The following PHACTR4 variants were observed in gnomAD, a reference collection of about 807,000 sequenced individuals.
PHACTR4 encodes protein phosphatase 1, regulatory subunit 124.
Under a neutral mutation model 72.7 loss-of-function variants are expected in PHACTR4, and 51 were observed. The observed-to-expected ratio is 0.70, with a 90% CI of 0.56 to 0.89. PHACTR4 has a LOEUF of 0.89. PHACTR4 is among the 40% of genes least tolerant of loss of function. The pLI is 0.00. For missense variants in PHACTR4, 731 were observed against 861.8 expected (o/e 0.85, Z 1.90); for synonymous variants, 255 against 302.5 (o/e 0.84, Z 1.63).
rs1475241591 is a variant in PHACTR4, at chr1:28,449,851, A to G, written c.17-9234A>G. ...AGGGTGACAGAGTGACACTCTGTAT[A>G]AAAAAAAAAAAAATCACCCCTGAAA... On this transcript the variant is annotated intron_variant, in intron 2 of 13. Coordinates refer to ENST00000373839, the MANE Select transcript of PHACTR4 (RefSeq NM_001048183.3). Among the ~76,000 whole-genome samples, 3 of 117,862 alleles carry G rather than the reference A, an allele frequency of 2.5e-5. No homozygotes were observed. The East Asian group carries it at 6.1e-4, about 24-fold the overall frequency. 77.3% of individuals were successfully genotyped at this position (117,862 alleles called of 152,430 possible). A position where few individuals can be genotyped will look rare whatever the true frequency, so the allele number is the denominator to read the frequency against.
chr1:28,378,090 G>A (rs146831831), intron 1 of PHACTR4, among the ~76,000 whole-genome samples: 1,573 of 150,344 alleles, frequency 0.01, 24 homozygotes, highest in African/African-American at 0.037. Flanking sequence ...CCAGCTACTC[G>A]GGAGGCTGAG....
At chr1:28,440,456 C>G (rs1180323416) in intron 2 of PHACTR4, among the ~76,000 whole-genome samples, 1 of 108,112 alleles carries the variant, frequency 9.2e-6, no homozygotes. Context: ...AGTGCAGTGG[C>G]TTGATCTCGG....
In PHACTR4 at chr1:28,492,996, T is replaced by C. The variant is rs1302063300; in HGVS notation, c.2017-19T>C. ...AAGCAGCCAGAAGAAGCTGAAACAT[T>C]TTTGTCTCTACTCCACAGGCTGCCA... On this transcript the variant is annotated intron_variant, in intron 12 of 13. Transcript: ENST00000373839. 6.3e-7 allele frequency: 1 copy of C among 1,594,088 alleles called. No individual in the cohort carries two copies. The highest frequency in any genetic ancestry group is 1.7e-5 in the Admixed American group (1 of 59,756).
intron 1 of PHACTR4, among the ~76,000 whole-genome samples, chr1:28,373,262 TATTTATTC>T (rs1651380995): frequency 6.6e-6 from 1 of 151,810 alleles, no homozygotes; most frequent in African/African-American, 2.4e-5. Context: ...TCTAGCTATA[TATTTATTC>T]ATTTATTTTG....
chr1:28,450,239 T>C (rs1293432505), intron 2 of PHACTR4, among the ~76,000 whole-genome samples: 2 of 151,774 alleles, frequency 1.3e-5, no homozygotes, highest in African/African-American at 4.8e-5. Flanking sequence ...ATTGTAAAAC[T>C]ATACCCAGCA....
chr1:28,465,715 C>T lies in PHACTR4; in HGVS notation c.302C>T (p.Ala101Val). Residue 101 changes from alanine (A) to valine (V), a missense_variant, in exon 5 of 14, where the codon GCC becomes GTC. Ala to Val is a moderately conservative substitution (Grantham distance 64, BLOSUM62 0). Transcript: ENST00000373839. ...GGEDPGKPSD[A>V]MLKNGHTTPI... ...GAGGATCCAGGAAAGCCAAGCGATG[C>T]CATGTTAAAGAATGGCCATACCACC... 1 of 1,613,758 alleles carries T rather than the reference C, an allele frequency of 6.2e-7. No homozygotes were observed.
chr1:28,460,367 A>AT, intron 4 of PHACTR4, 75 bp downstream of exon 4: 1 of 1,088,202 alleles, frequency 9.2e-7, no homozygotes, highest in South Asian at 1.6e-5. Context: ...AGATATTTGA[A>AT]TTTTCTTTCT....
At chr1:28,454,425 C>T (rs1029853342) in intron 2 of PHACTR4, among the ~76,000 whole-genome samples, 2 of 151,178 alleles carry the variant, frequency 1.3e-5, no homozygotes, top group African/African-American at 4.9e-5. Context: ...TATAGGCACC[C>T]GCCACTGCGC....
intron 1 of PHACTR4, among the ~76,000 whole-genome samples, chr1:28,387,937 A>AG (rs894910097): frequency 1.4e-4 from 21 of 152,082 alleles, no homozygotes; most frequent in Non-Finnish European, 2.6e-4. Flanking sequence ...CATGTTGGCC[A>AG]GGCTGGTCTC....
At position 28,480,610 on chromosome 1, in the gene PHACTR4, CCTTTGCTTAG is replaced by C; in HGVS notation, c.1760+7_1760+16del. The stretch of plus-strand genomic sequence containing the variant: ...ATTGGAAACACACTGATCCGGTAGG[CCTTTGCTTAG>C]ATTTGCTTGATTGATTTGGTTATGC... On this transcript the variant is annotated splice_region_variant and intron_variant, in intron 9 of 13. Transcript: ENST00000373839. 1 of 1,613,804 alleles carries C rather than the reference CCTTTGCTTAG, an allele frequency of 6.2e-7. No individual in the cohort carries two copies. Among genetic ancestry groups the C allele is most frequent in the Non-Finnish European group, 8.5e-7 (1 of 1,179,826 alleles).
chr1:28,396,261 G>C (rs775697771), intron 1 of PHACTR4, among the ~76,000 whole-genome samples: 3 of 151,980 alleles, frequency 2.0e-5, no homozygotes, highest in Admixed American at 6.6e-5. Context: ...GCCAGGCACG[G>C]TGGCTCATGC....
In PHACTR4 at chr1:28,459,254, A is replaced by G; in HGVS notation, c.186A>G (p.Ser62=). The G allele has an allele frequency of 3.1e-6, 5 of 1,612,264 alleles. No individual in the cohort carries two copies. Among genetic ancestry groups the G allele is most frequent in the Non-Finnish European group, 4.2e-6 (5 of 1,178,624 alleles). Residue 62 remains serine (S), a synonymous_variant, in exon 3 of 14, where the codon TCA becomes TCG. Transcript: ENST00000373839. Reference sequence around the variant, plus strand: ...GTAGTGATAAATTTAAAGAGACTTCAGAAGGTGAGATATTAAGGGTTAAAT... The same window carrying G: ...GTAGTGATAAATTTAAAGAGACTTCGGAAGGTGAGATATTAAGGGTTAAAT... The part of the protein sequence containing the change: ...KKSSDKFKET[S]EVLERKISMR...
intron 2 of PHACTR4, among the ~76,000 whole-genome samples, chr1:28,419,476 G>A (rs1022477903): frequency 6.6e-6 from 1 of 151,644 alleles, no homozygotes; most frequent in African/African-American, 2.4e-5. Flanking sequence ...ATACATGTAT[G>A]TGTGTGTGTA....
At chr1:28,459,302 CTA>C (rs1658633500) in intron 3 of PHACTR4, 44 bp downstream of exon 3, 2 of 1,539,908 alleles carry the variant, frequency 1.3e-6, no homozygotes, top group South Asian at 2.3e-5. Flanking sequence ...TTAGAATTCT[CTA>C]TGTTAGATGT....
intron 2 of PHACTR4, among the ~76,000 whole-genome samples, chr1:28,440,752 C>G (rs866917373): frequency 6.6e-6 from 1 of 152,042 alleles, no homozygotes; most frequent in African/African-American, 2.4e-5. Flanking sequence ...TTGAGCAGAT[C>G]AGGACCAGGT....
In PHACTR4 at chr1:28,500,215, T is replaced by C. The variant is rs1354490441; in HGVS notation, c.*3666T>C. On this transcript the variant is annotated 3_prime_UTR_variant, in exon 14 of 14. Coordinates refer to ENST00000373839, the MANE Select transcript of PHACTR4 (RefSeq NM_001048183.3). ...CAACTTATATGGAAACTCACAATCATAATGTAAAGAAGAAATGAAAGCCTG... is the reference window on the plus strand; with the variant it reads ...CAACTTATATGGAAACTCACAATCACAATGTAAAGAAGAAATGAAAGCCTG... 6.6e-6 allele frequency: 1 copy of C among 152,170 alleles called. No homozygotes were observed. The highest frequency in any genetic ancestry group is 1.5e-5 in the Non-Finnish European group (1 of 68,028). The allele number at this position is 152,170 out of a possible 1,614,324, so 9.4% of individuals were successfully genotyped here.
At chr1:28,448,837 T>C (rs1163007117) in intron 2 of PHACTR4, among the ~76,000 whole-genome samples, 2 of 127,520 alleles carry the variant, frequency 1.6e-5, no homozygotes, top group Non-Finnish European at 3.2e-5. Flanking sequence ...AATAACTTTG[T>C]TACTTATTAC....
intron 1 of PHACTR4, among the ~76,000 whole-genome samples, chr1:28,380,095 C>T (rs1426301991): frequency 1.8e-5 from 2 of 108,792 alleles, no homozygotes; most frequent in Non-Finnish European, 3.4e-5. Context: ...CTCGCTCTGT[C>T]GCCCAGGCTG....
chr1:28,479,597 A>C (rs931046687), intron 8 of PHACTR4, among the ~76,000 whole-genome samples: 12 of 150,286 alleles, frequency 8.0e-5, no homozygotes, highest in African/African-American at 2.9e-4. Flanking sequence ...AAAAAAAAAA[A>C]AAAAGAGGCC....
Sources: allele counts gnomAD v4.1 joint callset (sites outside exome capture counted in the v4.1 genomes callset), GRCh38; gene constraint gnomAD v4.1.1; transcripts MANE v1.5; gene names NCBI Gene and HGNC (gene_info 2026-07-23, HGNC 2026-07-21).